CDH18: variants seen among roughly 807,000 people sequenced by gnomAD.
CDH18 encodes cadherin 18.
CDH18 carries 31 observed loss-of-function variants against 67.9 expected under a neutral mutation model. That is an observed-to-expected ratio of 0.46 (90% CI 0.34 to 0.62). CDH18 has a LOEUF of 0.62. CDH18 is among the 20% of genes least tolerant of loss of function. CDH18 has a pLI of 0.01. For missense variants in CDH18, 890 were observed against 975.5 expected (o/e 0.91, Z 1.17); for synonymous variants, 362 against 347.2 (o/e 1.04, Z -0.48).
At chr5:19,739,248 G>C (rs536017731) in intron 4 of CDH18, among the ~76,000 whole-genome samples, 5 of 152,162 alleles carry the variant, frequency 3.3e-5, no homozygotes, top group Admixed American at 6.5e-5. Context: ...ACAGAATGCA[G>C]CAAAAGTGGA....
At chr5:20,501,558 T>TA (rs1330309244) in intron 1 of CDH18, among the ~76,000 whole-genome samples, 8 of 23,366 alleles carry the variant, frequency 3.4e-4, no homozygotes, top group African/African-American at 4.5e-4. Flanking sequence ...ATATATATAA[T>TA]ATATATATAT....
At chr5:20,503,415 T>C (rs1361636200) in intron 1 of CDH18, among the ~76,000 whole-genome samples, 1 of 152,144 alleles carries the variant, frequency 6.6e-6, no homozygotes, top group East Asian at 1.9e-4. Context: ...ATCAATAAAA[T>C]TAATGAAAAA....
intron 1 of CDH18, among the ~76,000 whole-genome samples, chr5:20,519,171 G>T (rs1755565351): frequency 6.6e-6 from 1 of 151,908 alleles, no homozygotes; most frequent in African/African-American, 2.4e-5. Flanking sequence ...GATATCTGAA[G>T]AAAAAAATGA....
At chr5:19,594,597 T>G (rs1745870749) in intron 6 of CDH18, among the ~76,000 whole-genome samples, 1 of 152,206 alleles carries the variant, frequency 6.6e-6, no homozygotes, top group South Asian at 2.1e-4. Context: ...ACCATACTAT[T>G]TTAATTACTG....
At chr5:20,413,146 CT>C (rs1746941678) in intron 1 of CDH18, among the ~76,000 whole-genome samples, 1 of 152,152 alleles carries the variant, frequency 6.6e-6, no homozygotes. Context: ...TGAACTCATC[CT>C]TTTTTATGGC....
intron 1 of CDH18, among the ~76,000 whole-genome samples, chr5:20,389,349 G>GT (rs1174019282): frequency 6.6e-6 from 1 of 152,088 alleles, no homozygotes; most frequent in Non-Finnish European, 1.5e-5. Flanking sequence ...CTTAAAGTCT[G>GT]TTTTTTCAGA....
intron 1 of CDH18, among the ~76,000 whole-genome samples, chr5:20,458,639 C>CA (rs1236612046): frequency 2.6e-5 from 4 of 151,680 alleles, no homozygotes; most frequent in African/African-American, 9.7e-5. Context: ...ACAAGAACAA[C>CA]AAAAAACCCA....
intron 3 of CDH18, among the ~76,000 whole-genome samples, chr5:19,806,944 A>G (rs1201569195): frequency 6.6e-6 from 1 of 152,214 alleles, no homozygotes; most frequent in Non-Finnish European, 1.5e-5. Flanking sequence ...GGTACAGCCT[A>G]CTACACACTA....
chr5:20,033,942 T>A (rs1739618463), intron 2 of CDH18, among the ~76,000 whole-genome samples: 1 of 152,054 alleles, frequency 6.6e-6, no homozygotes, highest in Admixed American at 6.6e-5. Flanking sequence ...AAGCATCTGA[T>A]CCTGAAGTGG....
chr5:20,469,909 C>A (rs912153897), intron 1 of CDH18, among the ~76,000 whole-genome samples: 4 of 152,136 alleles, frequency 2.6e-5, no homozygotes, highest in South Asian at 2.1e-4. Flanking sequence ...ATCCTAACCA[C>A]ATTTTGGCCT....
At chr5:20,383,134 A>C (rs1382477160) in intron 1 of CDH18, among the ~76,000 whole-genome samples, 1 of 152,198 alleles carries the variant, frequency 6.6e-6, no homozygotes, top group East Asian at 1.9e-4. Context: ...TTTTAGCTGC[A>C]TTAATTCTGC....
intron 2 of CDH18, among the ~76,000 whole-genome samples, chr5:20,079,526 G>A (rs770684994): frequency 3.3e-5 from 5 of 152,238 alleles, no homozygotes; most frequent in Non-Finnish European, 5.9e-5. Flanking sequence ...ACATGAGAAT[G>A]CAGACACTTC....
rs150267376 is a variant in CDH18 at position 20,090,717 on chromosome 5, A to G, written c.-517-98703T>C. Among the ~76,000 whole-genome samples, 27 of 152,138 alleles carry G rather than the reference A, an allele frequency of 1.8e-4. No homozygotes were observed. In the East Asian group the frequency reaches 5.2e-3, roughly 29 times the overall value. ...CTCTTTCAACCTCGTGAAACAAATTATTAAAAAGAAAAGAAAAAAAAAGAA... is the reference window on the plus strand; with the variant it reads ...CTCTTTCAACCTCGTGAAACAAATTGTTAAAAAGAAAAGAAAAAAAAAGAA... On this transcript the variant is annotated intron_variant, in intron 2 of 14. Transcript: ENST00000507958.
intron 2 of CDH18, among the ~76,000 whole-genome samples, chr5:20,122,679 T>A (rs574091663): frequency 6.6e-6 from 1 of 151,792 alleles, no homozygotes; most frequent in East Asian, 1.9e-4. Context: ...CTGGTTTAGA[T>A]GATTCTACTG....
intron 2 of CDH18, among the ~76,000 whole-genome samples, chr5:20,216,664 A>T (rs557734071): frequency 3.4e-4 from 52 of 152,002 alleles, no homozygotes; most frequent in African/African-American, 1.2e-3. Flanking sequence ...TTCCTGCCTC[A>T]CTCAACAAAT....
Position 19,567,903 on chromosome 5 carries a change from C to T in CDH18, c.1253+3676G>A, listed in dbSNP as rs562416125. On this transcript the variant is annotated intron_variant, in intron 8 of 12. Transcript: ENST00000382275. ...TGCTCTCAGTGATATAGGACAATTA[C>T]TGAGACAATTAGTGACATATTTTAA... Among the ~76,000 whole-genome samples, 9 of 152,188 alleles carry T rather than the reference C, an allele frequency of 5.9e-5. No homozygotes were observed. The South Asian group carries it at 1.9e-3, about 32-fold the overall frequency.
chr5:20,432,575 G>T (rs553278499), intron 1 of CDH18, among the ~76,000 whole-genome samples: 9 of 152,172 alleles, frequency 5.9e-5, no homozygotes, highest in Admixed American at 1.3e-4. Flanking sequence ...GGAAGGACAA[G>T]GTATTGGCCG....
At chr5:20,363,026 T>G (rs76108568) in intron 1 of CDH18, among the ~76,000 whole-genome samples, 3,381 of 152,272 alleles carry the variant, frequency 0.022, 92 homozygotes, top group East Asian at 0.06. Context: ...ATGACTGCCT[T>G]TGCCACCTTT....
intron 2 of CDH18, among the ~76,000 whole-genome samples, chr5:20,215,165 A>C (rs1258195564): frequency 2.6e-5 from 4 of 152,004 alleles, no homozygotes. Flanking sequence ...CAGAATGGCT[A>C]TTATTAAATG....
Sources: gnomAD v4.1 joint callset for allele counts (sites outside exome capture counted in the v4.1 genomes callset) on GRCh38, gnomAD v4.1.1 for gene constraint, MANE v1.5 for transcripts, NCBI Gene and HGNC (gene_info 2026-07-23, HGNC 2026-07-21) for gene names.